The following NBAS variants were observed in gnomAD, a reference collection of about 807,000 sequenced individuals.
The protein encoded by NBAS is NBAS subunit of NRZ tethering complex.
In NBAS, 219 loss-of-function variants were observed where a neutral mutation model predicts 302.5. That is an observed-to-expected ratio of 0.72 (90% CI 0.65 to 0.81). NBAS has a LOEUF of 0.81. Among genes scored for constraint, NBAS ranks in the 30% least tolerant of loss-of-function variants. The pLI, the probability that NBAS is intolerant of heterozygous loss-of-function variation, is 0.00. For synonymous variants in NBAS, 1,118 were observed against 1,021.6 expected (o/e 1.09, Z -1.80); for missense variants, 2,932 against 2,841.6 (o/e 1.03, Z -0.72).
At chr2:14,820,243 C>T in the NBAS span, among the ~76,000 whole-genome samples, 1 of 152,032 alleles carries the variant, frequency 6.6e-6, no homozygotes, top group Non-Finnish European at 1.5e-5. Flanking sequence ...TTTACAATAG[C>T]TAAGATTTGG....
chr2:15,204,148 T>C (rs1036208703), intron 48 of NBAS, among the ~76,000 whole-genome samples: 2 of 151,682 alleles, frequency 1.3e-5, no homozygotes, highest in Non-Finnish European at 2.9e-5. Context: ...GCGGTCTCAG[T>C]GACTTGGAAG....
chr2:15,495,150 C>A (rs1681016866), intron 11 of NBAS, among the ~76,000 whole-genome samples: 1 of 152,276 alleles, frequency 6.6e-6, no homozygotes, highest in East Asian at 1.9e-4. Flanking sequence ...ACTCCAATAG[C>A]AGGAGCGTGA....
At chr2:14,826,004 C>A in the NBAS span, among the ~76,000 whole-genome samples, 1 of 152,106 alleles carries the variant, frequency 6.6e-6, no homozygotes, top group East Asian at 1.9e-4. Flanking sequence ...GTCCAGGATT[C>A]AAATAGGTTT....
chr2:15,226,845 C>T (rs1008382306), intron 47 of NBAS, among the ~76,000 whole-genome samples: 4 of 152,130 alleles, frequency 2.6e-5, no homozygotes, highest in African/African-American at 9.7e-5. Context: ...GATGATCATG[C>T]TATGTGCAAA....
chr2:14,999,974 A>G, the NBAS span, among the ~76,000 whole-genome samples: 1 of 152,230 alleles, frequency 6.6e-6, no homozygotes, highest in Non-Finnish European at 1.5e-5. Flanking sequence ...AACTTTGCAA[A>G]TTGCAGAATG....
At chr2:15,214,570 T>C (rs1200060362) in intron 48 of NBAS, among the ~76,000 whole-genome samples, 2 of 152,236 alleles carry the variant, frequency 1.3e-5, no homozygotes, top group South Asian at 4.1e-4. Flanking sequence ...GGCTAGGTTA[T>C]ATTATATGAT....
At chr2:14,814,822 C>A in the NBAS span, among the ~76,000 whole-genome samples, 6 of 152,112 alleles carry the variant, frequency 3.9e-5, no homozygotes, top group Non-Finnish European at 7.4e-5. Context: ...TGTGTCCCCC[C>A]CCAAACTGCA....
At position 15,320,555 on chromosome 2, in the gene NBAS, G is replaced by C. The variant is rs576706484; in HGVS notation, c.4582+7195C>G. Among the ~76,000 whole-genome samples the C allele has an allele frequency of 7.2e-5, 11 of 152,216 alleles. No individual in the cohort carries two copies. The East Asian group carries it at 2.1e-3, about 29-fold the overall frequency. ...GATAAACAACTTCAGCAAAGTCTCA[G>C]GATACAAAATCAAGGTGCAAAAATC... On this transcript the variant is annotated intron_variant, in intron 38 of 51. Coordinates refer to ENST00000281513, the MANE Select transcript of NBAS (RefSeq NM_015909.4).
Position 15,536,565 on chromosome 2 carries a change from G to A in NBAS, c.514-14C>T, listed in dbSNP as rs770857032. The A allele has an allele frequency of 3.8e-6, 6 of 1,585,972 alleles. No homozygotes were observed. Among genetic ancestry groups the A allele is most frequent in the Non-Finnish European group, 3.4e-6 (4 of 1,170,066 alleles). On this transcript the variant is annotated splice_polypyrimidine_tract_variant and intron_variant, in intron 7 of 51. Transcript: ENST00000281513. ...AAAACTAGATGCCTACAGAAGAGGGGGAAATTAAGTTACTAAAAAAAAAAA... is the reference window on the plus strand; with the variant it reads ...AAAACTAGATGCCTACAGAAGAGGGAGAAATTAAGTTACTAAAAAAAAAAA...
chr2:14,850,672 G>C, the NBAS span, among the ~76,000 whole-genome samples: 2 of 68,644 alleles, frequency 2.9e-5, no homozygotes, highest in Non-Finnish European at 5.0e-5. Context: ...TGACCACATA[G>C]TTGGAAGTAA....
the NBAS span, among the ~76,000 whole-genome samples, chr2:15,097,334 C>G: frequency 6.6e-6 from 1 of 152,020 alleles, no homozygotes; most frequent in Non-Finnish European, 1.5e-5. Context: ...GCGCAGAATC[C>G]CAGGCCACAG....
chr2:15,560,799 C>T (rs1263128847), intron 1 of NBAS, among the ~76,000 whole-genome samples: 3 of 152,112 alleles, frequency 2.0e-5, no homozygotes, highest in Admixed American at 6.5e-5. Flanking sequence ...CGAGAAGGGA[C>T]CACTGAGGGT....
the NBAS span, among the ~76,000 whole-genome samples, chr2:14,782,619 G>A: frequency 1.3e-5 from 2 of 151,998 alleles, no homozygotes; most frequent in Non-Finnish European, 2.9e-5. Context: ...TATACCCAAA[G>A]GAATATAAAT....
chr2:14,783,544 C>A, the NBAS span, among the ~76,000 whole-genome samples: 1 of 140,890 alleles, frequency 7.1e-6, no homozygotes, highest in African/African-American at 2.6e-5. Context: ...TTGTTCAATT[C>A]CCACCTATGA....
rs917122130 is a variant in NBAS, at chr2:15,337,173, AT to A, written c.4180-6409del. On this transcript the variant is annotated intron_variant, in intron 35 of 51. Transcript: ENST00000281513. Reference sequence around the variant, plus strand: ...TATTTAATATTTTAAAAATTAAGTAATTTTTTTTGTGGTGGCATGTGCCTAT... The same window carrying A: ...TATTTAATATTTTAAAAATTAAGTAATTTTTTTGTGGTGGCATGTGCCTAT... 3.8e-3 allele frequency among the ~76,000 whole-genome samples: 578 copies of A among 151,916 alleles called. 4 individuals are homozygous for A. Among genetic ancestry groups the A allele is most frequent in the African/African-American group, 0.013 (527 of 41,436 alleles).
chr2:15,366,555 G>C, intron 32 of NBAS, 25 bp downstream of exon 32: 1 of 1,571,688 alleles, frequency 6.4e-7, no homozygotes. Flanking sequence ...AGCTTATTCT[G>C]CAGTTTAGTA....
intron 9 of NBAS, among the ~76,000 whole-genome samples, chr2:15,516,462 C>T (rs1332253032): frequency 3.9e-5 from 6 of 152,096 alleles, no homozygotes; most frequent in Non-Finnish European, 2.9e-5. Context: ...GAAGACTGGG[C>T]TTGTAATCCC....
chr2:14,856,445 T>G, the NBAS span, among the ~76,000 whole-genome samples: 3 of 152,030 alleles, frequency 2.0e-5, no homozygotes, highest in African/African-American at 7.2e-5. Context: ...CTGTACCAAA[T>G]GAATTAAATA....
intron 27 of NBAS, 134 bp from the exon 28 acceptor site, chr2:15,394,483 A>G: frequency 1.2e-6 from 1 of 855,152 alleles, no homozygotes; most frequent in Non-Finnish European, 1.8e-6. Context: ...AATTTTACAT[A>G]TAACGTTGAT....
Sources: allele counts gnomAD v4.1 joint callset (sites outside exome capture counted in the v4.1 genomes callset), GRCh38; gene constraint gnomAD v4.1.1; transcripts MANE v1.5; gene names NCBI Gene and HGNC (gene_info 2026-07-23, HGNC 2026-07-21).